The following FRMD6 variants were observed in gnomAD, a reference collection of about 807,000 sequenced individuals.
The protein encoded by FRMD6 is FERM domain-containing protein 6.
Under a neutral mutation model 73.2 loss-of-function variants are expected in FRMD6, and 37 were observed. That is an observed-to-expected ratio of 0.51 (90% CI 0.39 to 0.66). The LOEUF (loss-of-function observed/expected upper bound fraction) is 0.66. Among genes scored for constraint, FRMD6 ranks in the 30% least tolerant of loss-of-function variants. The pLI, the probability that FRMD6 is intolerant of heterozygous loss-of-function variation, is 0.00. For synonymous variants in FRMD6, 273 were observed against 282.2 expected (o/e 0.97, Z 0.33); for missense variants, 714 against 780.5 (o/e 0.91, Z 1.02).
At chr14:51,505,704 C>T (rs1047887109) in intron 1 of FRMD6, among the ~76,000 whole-genome samples, 4 of 152,102 alleles carry the variant, frequency 2.6e-5, no homozygotes, top group Non-Finnish European at 5.9e-5. Flanking sequence ...CTAAATGCAT[C>T]CTTTCTTCTT....
upstream of FRMD6, among the ~76,000 whole-genome samples, chr14:51,647,206 T>C (rs972766328): frequency 5.9e-5 from 9 of 152,204 alleles, no homozygotes; most frequent in Non-Finnish European, 1.3e-4. Flanking sequence ...ATTTAATGAA[T>C]TTAATTTTTT....
chr14:51,656,730 A>C (rs1414034245), intron 1 of FRMD6, among the ~76,000 whole-genome samples: 1 of 152,126 alleles, frequency 6.6e-6, no homozygotes, highest in Non-Finnish European at 1.5e-5. Context: ...ATTTTCTTGA[A>C]TGTCTTTCCC....
intron 1 of FRMD6, among the ~76,000 whole-genome samples, chr14:51,536,274 T>C (rs1394582564): frequency 3.3e-5 from 5 of 151,542 alleles, no homozygotes; most frequent in African/African-American, 9.7e-5. Context: ...AAAAAAATTG[T>C]AGACACAGGG....
At position 51,729,154 on chromosome 14, in the gene FRMD6, TGG is replaced by T. The variant is rs1392462073; in HGVS notation, c.*1130_*1131del. The T allele has an allele frequency of 2.6e-5, 4 of 152,118 alleles. No homozygotes were observed. The highest frequency in any genetic ancestry group is 9.7e-5 in the African/African-American group (4 of 41,408). 9.4% of individuals were successfully genotyped at this position (152,118 alleles called of 1,614,324 possible). On this transcript the variant is annotated 3_prime_UTR_variant, in exon 14 of 14. Transcript: ENST00000344768. ...CAACACTGATTGTATAACAGAATTT[TGG>T]GGGGAGCTTTTAAAAAATAATGACT...
chr14:51,444,698 C>T, the FRMD6 span, among the ~76,000 whole-genome samples: 3 of 152,132 alleles, frequency 2.0e-5, no homozygotes, highest in East Asian at 1.9e-4. Flanking sequence ...CAAGAAGTCA[C>T]GGAGCCCTAT....
chr14:51,493,601 T>A (rs1294773935), intron 1 of FRMD6, among the ~76,000 whole-genome samples: 3 of 152,240 alleles, frequency 2.0e-5, no homozygotes, highest in African/African-American at 7.2e-5. Context: ...CAATTAAACC[T>A]GTTTCCTTTA....
intron 2 of FRMD6, among the ~76,000 whole-genome samples, chr14:51,614,978 T>C (rs1191340472): frequency 6.6e-6 from 1 of 152,216 alleles, no homozygotes; most frequent in Non-Finnish European, 1.5e-5. Context: ...TTCTTAGATT[T>C]ACTCAGCTAA....
At chr14:51,725,009 C>T (rs1461389245) in intron 12 of FRMD6, among the ~76,000 whole-genome samples, 2 of 152,070 alleles carry the variant, frequency 1.3e-5, no homozygotes, top group African/African-American at 4.8e-5. Flanking sequence ...TTCTCAAAGA[C>T]CCAGTACTGA....
Position 51,711,569 on chromosome 14 carries a change from G to A in FRMD6, c.753G>A (p.Leu251=). 1 of 1,607,222 alleles carries A rather than the reference G, an allele frequency of 6.2e-7. No homozygotes were observed. The highest frequency in any genetic ancestry group is 8.5e-7 in the Non-Finnish European group (1 of 1,174,670). Residue 251 remains leucine (L), a synonymous_variant, in exon 8 of 14, where the codon TTG becomes TTA. Coordinates refer to ENST00000344768, the MANE Select transcript of FRMD6 (RefSeq NM_001267046.2). The part of the protein sequence containing the change: ...REIEASLTLG[L]TMRGIQIFQN... Reference sequence around the variant, plus strand: ...TTGAAGCATCGCTGACTCTTGGATTGACCATGAGGGGAATACAGATTTTTC... The same window carrying A: ...TTGAAGCATCGCTGACTCTTGGATTAACCATGAGGGGAATACAGATTTTTC...
At chr14:51,453,150 A>G in the FRMD6 span, among the ~76,000 whole-genome samples, 1 of 72,426 alleles carries the variant, frequency 1.4e-5, no homozygotes, top group African/African-American at 4.0e-5. Context: ...AAAAGCTGGT[A>G]AAAAAAAAAA....
Position 51,729,556 on chromosome 14 carries a change from T to G in FRMD6, c.*1527T>G, listed in dbSNP as rs994709048. 2.0e-5 allele frequency: 3 copies of G among 152,644 alleles called. No homozygotes were observed. Among genetic ancestry groups the G allele is most frequent in the Non-Finnish European group, 4.4e-5 (3 of 68,038 alleles). The allele number at this position is 152,644 out of a possible 1,614,324, so 9.5% of individuals were successfully genotyped here. On this transcript the variant is annotated 3_prime_UTR_variant, in exon 14 of 14. Transcript: ENST00000344768. ...TTTTACAACATTTGTTTACCATATT[T>G]TGATATACCATTTTTTTCTATCTGC...
upstream of FRMD6, among the ~76,000 whole-genome samples, chr14:51,488,522 A>G (rs1471186562): frequency 5.3e-5 from 8 of 152,324 alleles, no homozygotes; most frequent in East Asian, 1.3e-3. Context: ...CATCCTCTCT[A>G]CTGTAGTACT....
chr14:51,444,887 G>C, the FRMD6 span, among the ~76,000 whole-genome samples: 1 of 152,126 alleles, frequency 6.6e-6, no homozygotes, highest in African/African-American at 2.4e-5. Context: ...AGATGAAGCA[G>C]CTCCTCAGAG....
chr14:51,678,306 G>T (rs914899010), intron 1 of FRMD6, among the ~76,000 whole-genome samples: 1 of 152,114 alleles, frequency 6.6e-6, no homozygotes, highest in African/African-American at 2.4e-5. Flanking sequence ...AACTTAGTGC[G>T]TCCCAAACAG....
the FRMD6 span, among the ~76,000 whole-genome samples, chr14:51,422,213 TG>T: frequency 6.6e-6 from 1 of 152,226 alleles, no homozygotes; most frequent in Admixed American, 6.5e-5. Context: ...TAGTTCCGGT[TG>T]TTATTTCACA....
the FRMD6 span, among the ~76,000 whole-genome samples, chr14:51,462,527 T>G: frequency 6.6e-6 from 1 of 152,160 alleles, no homozygotes; most frequent in Non-Finnish European, 1.5e-5. Flanking sequence ...CAGCAATTAT[T>G]CACTGAGACC....
intron 1 of FRMD6, among the ~76,000 whole-genome samples, chr14:51,532,549 G>A (rs1398668778): frequency 1.3e-5 from 2 of 152,180 alleles, no homozygotes; most frequent in East Asian, 3.9e-4. Flanking sequence ...ACCTGCTACT[G>A]ATTATATTAG....
At chr14:51,692,623 C>G (rs983541987) in intron 2 of FRMD6, 1 of 152,162 alleles carries the variant, frequency 6.6e-6, no homozygotes, top group Non-Finnish European at 1.5e-5. Context: ...AAAATCTCAG[C>G]TGAGGAAGAT....
chr14:51,521,635 C>T (rs534961750), intron 1 of FRMD6, among the ~76,000 whole-genome samples: 179 of 150,734 alleles, frequency 1.2e-3, no homozygotes, highest in Non-Finnish European at 1.8e-3. Flanking sequence ...TGTTGATAGA[C>T]GCGGGCAGGT....
Sources: gnomAD v4.1 joint callset for allele counts (sites outside exome capture counted in the v4.1 genomes callset) on GRCh38, gnomAD v4.1.1 for gene constraint, MANE v1.5 for transcripts, NCBI Gene and HGNC (gene_info 2026-07-23, HGNC 2026-07-21) for gene names.